The following KHDRBS2 variants were observed in gnomAD, a reference collection of about 807,000 sequenced individuals.
KHDRBS2 encodes the protein KH domain-containing, RNA-binding, signal transduction-associated protein 2.
A neutral mutation model predicts 44.3 loss-of-function variants in KHDRBS2; 26 were observed. The observed-to-expected ratio is 0.59, with a 90% CI of 0.43 to 0.81. The LOEUF (loss-of-function observed/expected upper bound fraction) is 0.81, where lower values mean the gene tolerates loss of function less well. Ranked by LOEUF, KHDRBS2 falls within the 40% of genes least tolerant of loss-of-function variation. The pLI, the probability that KHDRBS2 is intolerant of heterozygous loss-of-function variation, is 0.00. For synonymous variants in KHDRBS2, 194 were observed against 151.1 expected, an observed-to-expected ratio of 1.28 and a Z score of -2.08; for missense variants, 476 against 433.1, an observed-to-expected ratio of 1.10 and a Z score of -0.88.
At chr6:61,675,536 G>A (rs1028615032), downstream of KHDRBS2, among the ~76,000 whole-genome samples, 12 of 151,602 alleles carry the variant, frequency 7.9e-5, no homozygotes, top group African/African-American at 2.7e-4. Flanking sequence ...CATTAATACT[G>A]TATACTAAAA....
the KHDRBS2 span, among the ~76,000 whole-genome samples, chr6:61,544,670 T>C: frequency 6.6e-6 from 1 of 152,028 alleles, no homozygotes; most frequent in Non-Finnish European, 1.5e-5. Flanking sequence ...AGTAAGGAGT[T>C]CTTTACAAAA....
chr6:61,852,718 T>A (rs74622201), intron 6 of KHDRBS2, among the ~76,000 whole-genome samples: 50 of 152,302 alleles, frequency 3.3e-4, no homozygotes, highest in Non-Finnish European at 5.4e-4. Flanking sequence ...GAGAATTTTG[T>A]AAACAGATTT....
intron 4 of KHDRBS2, among the ~76,000 whole-genome samples, chr6:61,960,549 T>C (rs1419100397): frequency 4.6e-5 from 7 of 152,094 alleles, no homozygotes; most frequent in African/African-American, 1.7e-4. Flanking sequence ...ATATTGATCC[T>C]TAGATCAATA....
intron 4 of KHDRBS2, among the ~76,000 whole-genome samples, chr6:61,952,383 C>T (rs564225519): frequency 7.9e-5 from 12 of 151,986 alleles, no homozygotes; most frequent in Non-Finnish European, 1.8e-4. Flanking sequence ...GATCTTCCAC[C>T]TAATCTTTTT....
At chr6:61,890,138 C>G (rs753115744) in intron 6 of KHDRBS2, among the ~76,000 whole-genome samples, 1 of 152,098 alleles carries the variant, frequency 6.6e-6, no homozygotes, top group Admixed American at 6.6e-5. Flanking sequence ...TGAAAGCAGA[C>G]ATTTGGTTTG....
chr6:61,975,223 A>C (rs1349042889), intron 4 of KHDRBS2, among the ~76,000 whole-genome samples: 1 of 152,148 alleles, frequency 6.6e-6, no homozygotes, highest in Non-Finnish European at 1.5e-5. Flanking sequence ...AGGTAGAAGA[A>C]GGTAAAAAGT....
At chr6:62,127,733 T>C (rs1422002348) in intron 2 of KHDRBS2, among the ~76,000 whole-genome samples, 3 of 152,184 alleles carry the variant, frequency 2.0e-5, no homozygotes, top group Admixed American at 2.0e-4. Context: ...TGAAGGATTT[T>C]TACTTGTAAG....
intron 2 of KHDRBS2, among the ~76,000 whole-genome samples, chr6:62,095,371 G>C (rs1174289307): frequency 2.0e-5 from 3 of 151,692 alleles, no homozygotes; most frequent in Non-Finnish European, 4.4e-5. Flanking sequence ...GTCCTATGCA[G>C]GTATATAATT....
intron 4 of KHDRBS2, among the ~76,000 whole-genome samples, chr6:61,930,957 A>G (rs1039562985): frequency 3.3e-5 from 5 of 152,146 alleles, no homozygotes; most frequent in South Asian, 2.1e-4. Flanking sequence ...ACTCAGGTGG[A>G]TAGAAATATT....
chr6:61,806,220 A>G (rs1175598051), intron 6 of KHDRBS2, among the ~76,000 whole-genome samples: 1 of 152,128 alleles, frequency 6.6e-6, no homozygotes, highest in Non-Finnish European at 1.5e-5. Context: ...TCAAGTCTAG[A>G]TCATAAAAGA....
At chr6:62,051,645 T>C (rs1789072350) in intron 2 of KHDRBS2, among the ~76,000 whole-genome samples, 1 of 151,902 alleles carries the variant, frequency 6.6e-6, no homozygotes, top group African/African-American at 2.4e-5. Context: ...CGGGACTACA[T>C]TAAACTAAAA....
At chr6:61,592,731 A>G in the KHDRBS2 span, among the ~76,000 whole-genome samples, 1 of 152,042 alleles carries the variant, frequency 6.6e-6, no homozygotes, top group Non-Finnish European at 1.5e-5. Context: ...AGTTTCATAT[A>G]TTAAGTTGGG....
intron 2 of KHDRBS2, among the ~76,000 whole-genome samples, chr6:62,170,875 T>C (rs1819852144): frequency 1.3e-5 from 2 of 151,196 alleles, no homozygotes; most frequent in Non-Finnish European, 2.9e-5. Context: ...CCCTGAAATA[T>C]TCCAGAATCA....
At chr6:61,582,036 GATA>G in the KHDRBS2 span, among the ~76,000 whole-genome samples, 1 of 151,688 alleles carries the variant, frequency 6.6e-6, no homozygotes, top group East Asian at 1.9e-4. Context: ...TTTCAAAAAA[GATA>G]ATATTACAAC....
chr6:62,280,976 C>A (rs1382113064), intron 1 of KHDRBS2, among the ~76,000 whole-genome samples: 1 of 152,108 alleles, frequency 6.6e-6, no homozygotes, highest in Non-Finnish European at 1.5e-5. Flanking sequence ...AGAGAGATAT[C>A]CATTTCCTCC....
At chr6:61,604,019 C>T in the KHDRBS2 span, among the ~76,000 whole-genome samples, 41 of 152,296 alleles carry the variant, frequency 2.7e-4, no homozygotes, top group East Asian at 3.1e-3. Context: ...TTGAGGCTAC[C>T]GCTCTGCCCC....
chr6:61,720,010 T>C (rs1772129582), intron 7 of KHDRBS2, among the ~76,000 whole-genome samples: 1 of 152,022 alleles, frequency 6.6e-6, no homozygotes, highest in South Asian at 2.1e-4. Context: ...TTCCCACCTA[T>C]GAGTGAGAAT....
At chr6:61,882,149 G>A (rs9354268) in intron 6 of KHDRBS2, among the ~76,000 whole-genome samples, 64,205 of 151,696 alleles carry the variant, frequency 0.42, 13,810 homozygotes, top group Admixed American at 0.49. Context: ...TATACCAAGA[G>A]TAGAAAAAAG....
At chr6:62,285,363 G>A (rs1842340115) in intron 1 of KHDRBS2, among the ~76,000 whole-genome samples, 1 of 152,162 alleles carries the variant, frequency 6.6e-6, no homozygotes, top group African/African-American at 2.4e-5. Flanking sequence ...AACATGCATA[G>A]TTTAATGCAT....
Sources: gnomAD v4.1 joint callset for allele counts (sites outside exome capture counted in the v4.1 genomes callset) on GRCh38, gnomAD v4.1.1 for gene constraint, MANE v1.5 for transcripts, NCBI Gene and HGNC (gene_info 2026-07-23, HGNC 2026-07-21) for gene names.